Variants in MAPK10 observed in about 807,000 individuals in gnomAD.
The protein encoded by MAPK10 is mitogen-activated protein kinase 10.
In MAPK10, 25 loss-of-function variants were observed where a neutral mutation model predicts 59.3. The ratio of observed to expected loss-of-function variants is 0.42; its 90% CI spans 0.31 to 0.59. The LOEUF (loss-of-function observed/expected upper bound fraction) is 0.59. MAPK10 is among the 20% of genes least tolerant of loss of function. The probability of loss-of-function intolerance (pLI) is 0.15; values close to 1 mark genes in which losing one functional copy is unlikely to be tolerated. For missense variants in MAPK10, 351 were observed against 568.9 expected (o/e 0.62, Z 3.90); for synonymous variants, 190 against 200.5 (o/e 0.95, Z 0.44).
At chr4:86,408,557 C>T (rs545763904) in intron 1 of MAPK10, among the ~76,000 whole-genome samples, 84 of 152,280 alleles carry the variant, frequency 5.5e-4, no homozygotes, top group African/African-American at 1.8e-3. Context: ...TCCTCTCCAG[C>T]ACCTGTTGTT....
chr4:86,438,801 C>T (rs1338443491), intron 1 of MAPK10, among the ~76,000 whole-genome samples: 1 of 151,656 alleles, frequency 6.6e-6, no homozygotes, highest in Non-Finnish European at 1.5e-5. Context: ...AAGTCTGACT[C>T]GAGCAAAGGA....
intron 3 of MAPK10, among the ~76,000 whole-genome samples, chr4:86,160,058 T>C (rs1294652619): frequency 6.6e-6 from 1 of 152,054 alleles, no homozygotes; most frequent in Non-Finnish European, 1.5e-5. Context: ...GCAAAATTCT[T>C]CTTTGAATTA....
upstream of MAPK10, among the ~76,000 whole-genome samples, chr4:86,456,157 C>T (rs1045744082): frequency 6.6e-6 from 1 of 152,030 alleles, no homozygotes; most frequent in Non-Finnish European, 1.5e-5. Context: ...ACAGCAAAGG[C>T]AACACTAAGA....
intron 4 of MAPK10, among the ~76,000 whole-genome samples, chr4:86,146,199 C>G (rs1343447652): frequency 6.6e-6 from 1 of 152,122 alleles, no homozygotes; most frequent in African/African-American, 2.4e-5. Flanking sequence ...ACTTTAACTC[C>G]AATATTTGTT....
intron 2 of MAPK10, among the ~76,000 whole-genome samples, chr4:86,199,418 T>C (rs996171826): frequency 6.6e-6 from 1 of 152,040 alleles, no homozygotes; most frequent in African/African-American, 2.4e-5. Context: ...TTTTTTGTTA[T>C]GTTATACTTA....
At chr4:86,140,517 A>T (rs553144179) in intron 4 of MAPK10, among the ~76,000 whole-genome samples, 1 of 118,840 alleles carries the variant, frequency 8.4e-6, no homozygotes, top group East Asian at 2.5e-4. Flanking sequence ...GGAACATCAC[A>T]CTCTGGGGAC....
intron 1 of MAPK10, among the ~76,000 whole-genome samples, chr4:86,392,594 G>A (rs1293034981): frequency 6.6e-5 from 10 of 151,556 alleles, no homozygotes; most frequent in South Asian, 6.3e-4. Flanking sequence ...TGCCTGTTCC[G>A]GCAAACAAAA....
Position 86,359,857 on chromosome 4 carries a change from G to C in MAPK10, c.-321C>G. On this transcript the variant is annotated 5_prime_UTR_variant, in exon 1 of 14. Transcript: ENST00000641462. Reference sequence around the variant, plus strand: ...CTCACTCAAGCCCCTAGGAATTGAGGGGTGAGGACAAAAAAGGAAATTTGT... The same window carrying C: ...CTCACTCAAGCCCCTAGGAATTGAGCGGTGAGGACAAAAAAGGAAATTTGT... 1 of 985,556 alleles carries C rather than the reference G, an allele frequency of 1.0e-6. No homozygotes were observed. The highest frequency in any genetic ancestry group is 4.7e-5 in the South Asian group (1 of 21,274). 61.1% of individuals were successfully genotyped at this position (985,556 alleles called of 1,614,324 possible).
intron 1 of MAPK10, among the ~76,000 whole-genome samples, chr4:86,378,787 C>T (rs1740215040): frequency 6.6e-6 from 1 of 152,182 alleles, no homozygotes; most frequent in Non-Finnish European, 1.5e-5. Flanking sequence ...GGGAGAGAGT[C>T]ACATAAATCC....
At chr4:86,047,684 G>C (rs560234796) in intron 11 of MAPK10, among the ~76,000 whole-genome samples, 1 of 152,286 alleles carries the variant, frequency 6.6e-6, no homozygotes, top group Non-Finnish European at 1.5e-5. Flanking sequence ...ATGCTGGGTT[G>C]CAATGTAAAA....
rs1407163223 is a variant in MAPK10 at position 86,243,505 on chromosome 4, G to C, written c.-6-49098C>G. 2.0e-5 allele frequency among the ~76,000 whole-genome samples: 3 copies of C among 152,096 alleles called. No homozygotes were observed. The South Asian group carries it at 6.2e-4, about 32-fold the overall frequency. ...ACAATCTAGCGACCTCTCAGAACTT[G>C]TTCTCTCCTCTTCCTCACCTCACTC... On this transcript the variant is annotated intron_variant, in intron 2 of 13. Transcript: ENST00000641462.
chr4:86,492,763 T>C (rs1304658841), intron 1 of MAPK10, among the ~76,000 whole-genome samples: 1 of 152,168 alleles, frequency 6.6e-6, no homozygotes, highest in Non-Finnish European at 1.5e-5. Flanking sequence ...TTTAAAAAAT[T>C]TGGACTCACT....
chr4:86,461,129 T>TG (rs1180348034), intron 1 of MAPK10, among the ~76,000 whole-genome samples: 1 of 454 alleles, frequency 2.2e-3, no homozygotes, highest in East Asian at 0.5. Context: ...CTGAGTACTC[T>TG]TTTTTTTTTT....
intron 1 of MAPK10, among the ~76,000 whole-genome samples, chr4:86,550,966 T>C (rs146314367): frequency 9.7e-4 from 147 of 152,290 alleles, no homozygotes; most frequent in African/African-American, 3.4e-3. Flanking sequence ...CGTACATCAC[T>C]TGGGCACACA....
chr4:86,314,884 C>T (rs2095747490), intron 2 of MAPK10, among the ~76,000 whole-genome samples: 1 of 151,998 alleles, frequency 6.6e-6, no homozygotes, highest in Non-Finnish European at 1.5e-5. Context: ...AAAATGAAAG[C>T]TTTGTGCCAT....
At chr4:86,576,636 C>T (rs765537941) in intron 1 of MAPK10, among the ~76,000 whole-genome samples, 32 of 151,946 alleles carry the variant, frequency 2.1e-4, no homozygotes, top group Middle Eastern at 3.4e-3. Flanking sequence ...TAGCCGGGCG[C>T]GGTGGCGGGT....
At chr4:86,497,986 T>C (rs1755014207) in intron 1 of MAPK10, among the ~76,000 whole-genome samples, 1 of 152,186 alleles carries the variant, frequency 6.6e-6, no homozygotes, top group Admixed American at 6.5e-5. Context: ...AAAGAATTTA[T>C]TTATCTAATT....
rs532535977 is a variant in MAPK10 at position 86,558,960 on chromosome 4, T to G, written c.-263+34950A>C. Among the ~76,000 whole-genome samples the G allele has an allele frequency of 1.4e-4, 21 of 152,220 alleles. No individual in the cohort carries two copies. In the South Asian group the frequency reaches 4.2e-3, roughly 30 times the overall value. On this transcript the variant is annotated intron_variant, in intron 1 of 4. Coordinates refer to the MAPK10 transcript ENST00000502302. ...GTAATATTATTATGATACCACCTCATTAAGTGACTCATGATGGCTTGTTCA... is the reference window on the plus strand; with the variant it reads ...GTAATATTATTATGATACCACCTCAGTAAGTGACTCATGATGGCTTGTTCA...
chr4:86,318,831 TC>T (rs1452030437), intron 2 of MAPK10, among the ~76,000 whole-genome samples: 1 of 152,178 alleles, frequency 6.6e-6, no homozygotes, highest in Non-Finnish European at 1.5e-5. Flanking sequence ...TAAGTAATCA[TC>T]ACAGCCCTGC....
Sources: allele counts gnomAD v4.1 joint callset (sites outside exome capture counted in the v4.1 genomes callset), GRCh38; gene constraint gnomAD v4.1.1; transcripts MANE v1.5; gene names NCBI Gene and HGNC (gene_info 2026-07-23, HGNC 2026-07-21).